TBC1D32: variants seen among roughly 807,000 people sequenced by gnomAD.
TBC1D32 encodes protein broad-minded.
In TBC1D32, 151 loss-of-function variants were observed where a neutral mutation model predicts 170.3. The ratio of observed to expected loss-of-function variants is 0.89; its 90% CI spans 0.78 to 1.01. The LOEUF is 1.01. TBC1D32 is among the 50% of genes least tolerant of loss of function. The pLI is 0.00. For synonymous variants in TBC1D32, 498 were observed against 488.0 expected, an observed-to-expected ratio of 1.02 and a Z score of -0.27; for missense variants, 1,464 against 1,457.1, an observed-to-expected ratio of 1.00 and a Z score of -0.08.
At chr6:121,161,387 G>C (rs1039783626) in intron 22 of TBC1D32, among the ~76,000 whole-genome samples, 3 of 152,078 alleles carry the variant, frequency 2.0e-5, no homozygotes, top group Non-Finnish European at 4.4e-5. Flanking sequence ...AGTGTGTGTT[G>C]TTCCCCACCA....
Position 121,212,157 on chromosome 6 carries a change from C to T in TBC1D32, c.2482-6994G>A, listed in dbSNP as rs1030228901. ...ATAAATTCCTGGACACATATGCCCCCCCAAGACTGAACCAGGAACAAAGTG... is the reference window on the plus strand; with the variant it reads ...ATAAATTCCTGGACACATATGCCCCTCCAAGACTGAACCAGGAACAAAGTG... On this transcript the variant is annotated intron_variant, in intron 21 of 31. Transcript: ENST00000398212. Among the ~76,000 whole-genome samples the T allele has an allele frequency of 2.0e-5, 3 of 151,936 alleles. 1 individual carries two copies. The South Asian group carries it at 6.2e-4, about 32-fold the overall frequency.
intron 22 of TBC1D32, among the ~76,000 whole-genome samples, chr6:121,171,983 A>G (rs1787081955): frequency 6.6e-6 from 1 of 152,154 alleles, no homozygotes; most frequent in African/African-American, 2.4e-5. Flanking sequence ...GAAAAACAGC[A>G]TATCACAGAA....
At chr6:121,264,979 A>C (rs1330731491) in intron 15 of TBC1D32, among the ~76,000 whole-genome samples, 1 of 152,190 alleles carries the variant, frequency 6.6e-6, no homozygotes, top group African/African-American at 2.4e-5. Flanking sequence ...CAAAAGCTAG[A>C]AGCACTCCCT....
intron 21 of TBC1D32, 74 bp downstream of exon 21, chr6:121,223,162 T>C (rs1248126459): frequency 3.1e-6 from 3 of 968,394 alleles, no homozygotes; most frequent in Non-Finnish European, 4.6e-6. Context: ...CTCTTTTTGG[T>C]CAAATTACCT....
chr6:121,175,042 A>G (rs141279949), intron 22 of TBC1D32, among the ~76,000 whole-genome samples: 1 of 149,434 alleles, frequency 6.7e-6, no homozygotes, highest in African/African-American at 2.4e-5. Context: ...AAAAAAACTG[A>G]TAAGATTTCC....
At chr6:121,089,764 C>A (rs1340965650) in intron 31 of TBC1D32, among the ~76,000 whole-genome samples, 1 of 151,974 alleles carries the variant, frequency 6.6e-6, no homozygotes, top group Admixed American at 6.6e-5. Context: ...TGGAAAATAA[C>A]CCTGGCAGGT....
chr6:121,185,879 T>C (rs1335559815), intron 22 of TBC1D32, among the ~76,000 whole-genome samples: 1 of 151,984 alleles, frequency 6.6e-6, no homozygotes, highest in African/African-American at 2.4e-5. Context: ...TAGATATTGG[T>C]GGAATGGCAT....
At chr6:121,289,165 CAA>C (rs1804392449) in intron 12 of TBC1D32, among the ~76,000 whole-genome samples, 1 of 152,082 alleles carries the variant, frequency 6.6e-6, no homozygotes, top group African/African-American at 2.4e-5. Flanking sequence ...GGCAATCAGG[CAA>C]GGGAAAGAAA....
chr6:121,254,100 A>C (rs1300850389), intron 17 of TBC1D32, among the ~76,000 whole-genome samples: 1 of 152,186 alleles, frequency 6.6e-6, no homozygotes, highest in Non-Finnish European at 1.5e-5. Context: ...AGTTGGATGG[A>C]GCTGGAGGCC....
At chr6:121,289,387 A>T (rs1475617281) in intron 12 of TBC1D32, among the ~76,000 whole-genome samples, 1 of 152,198 alleles carries the variant, frequency 6.6e-6, no homozygotes, top group East Asian at 1.9e-4. Flanking sequence ...ATCATGAGTG[A>T]ACTCCCATTC....
At chr6:121,149,996 G>C (rs1258697430) in intron 24 of TBC1D32, among the ~76,000 whole-genome samples, 4 of 151,638 alleles carry the variant, frequency 2.6e-5, no homozygotes, top group African/African-American at 9.7e-5. Context: ...TGGATTCCTA[G>C]GTATTTTATA....
chr6:121,292,343 G>T, intron 11 of TBC1D32, 150 bp from the exon 12 acceptor site: 1 of 731,426 alleles, frequency 1.4e-6, no homozygotes, highest in Non-Finnish European at 2.1e-6. Context: ...TTTCCTTATT[G>T]TTTCCTAAGA....
At chr6:121,087,187 A>C (rs1776346204) in intron 31 of TBC1D32, among the ~76,000 whole-genome samples, 1 of 152,212 alleles carries the variant, frequency 6.6e-6, no homozygotes, top group African/African-American at 2.4e-5. Context: ...TGTTTTGTTG[A>C]TATCAACTTA....
At chr6:121,312,521 ACAGTGACCT>A (rs1808363665) in intron 3 of TBC1D32, among the ~76,000 whole-genome samples, 1 of 152,152 alleles carries the variant, frequency 6.6e-6, no homozygotes, top group African/African-American at 2.4e-5. Context: ...TAGGAGAGCC[ACAGTGACCT>A]CATTTTAAAG....
intron 5 of TBC1D32, among the ~76,000 whole-genome samples, chr6:121,306,109 A>T (rs1295381457): frequency 6.6e-6 from 1 of 152,176 alleles, no homozygotes; most frequent in Non-Finnish European, 1.5e-5. Context: ...TGTTAAAGAT[A>T]ACCCTGAGAT....
At chr6:121,156,381 G>T (rs1784884450) in intron 24 of TBC1D32, among the ~76,000 whole-genome samples, 1 of 151,224 alleles carries the variant, frequency 6.6e-6, no homozygotes, top group African/African-American at 2.4e-5. Context: ...TGTCATTTTT[G>T]ACTGTGCTTA....
At chr6:121,131,851 A>T in intron 24 of TBC1D32, 99 bp from the exon 25 acceptor site, 5 of 854,446 alleles carry the variant, frequency 5.9e-6, no homozygotes, top group Non-Finnish European at 8.6e-6. Flanking sequence ...TCCATATGGA[A>T]TACATATGGC....
In TBC1D32 at chr6:121,197,430, A is replaced by G. The variant is rs374286447; in HGVS notation, c.2570+7645T>C. ...CATCAATACCAGTTACGACCACGTG[A>G]CCAGCTACAGAAAAGAGGACTGTAA... On this transcript the variant is annotated intron_variant, in intron 22 of 31. Transcript: ENST00000398212. 2.0e-4 allele frequency among the ~76,000 whole-genome samples: 30 copies of G among 152,300 alleles called. 1 individual carries two copies. The South Asian group carries it at 3.5e-3, about 18-fold the overall frequency.
intron 24 of TBC1D32, among the ~76,000 whole-genome samples, chr6:121,146,153 T>G (rs527576299): frequency 2.0e-5 from 3 of 152,178 alleles, no homozygotes; most frequent in African/African-American, 7.2e-5. Context: ...ACAGAACCAA[T>G]AGAATTTGTA....
Sources: gnomAD v4.1 joint callset for allele counts (sites outside exome capture counted in the v4.1 genomes callset) on GRCh38, gnomAD v4.1.1 for gene constraint, MANE v1.5 for transcripts, NCBI Gene and HGNC (gene_info 2026-07-23, HGNC 2026-07-21) for gene names.